CELSR3: variants seen among roughly 807,000 people sequenced by gnomAD.
CELSR3 encodes the protein EGF-like protein 1.
A neutral mutation model predicts 270.0 loss-of-function variants in CELSR3; 73 were observed. The observed-to-expected ratio is 0.27, with a 90% CI of 0.22 to 0.33. CELSR3 has a LOEUF of 0.33. CELSR3 is among the 10% of genes least tolerant of loss of function. The pLI is 1.00. For missense variants in CELSR3, 3,614 were observed against 4,533.8 expected, an observed-to-expected ratio of 0.80 and a Z score of 5.83; for synonymous variants, 1,780 against 1,905.4, an observed-to-expected ratio of 0.93 and a Z score of 1.71.
chr3:48,638,476 G>A (rs1037308504), intron 34 of CELSR3, among the ~76,000 whole-genome samples: 5 of 152,134 alleles, frequency 3.3e-5, no homozygotes, highest in Non-Finnish European at 5.9e-5. Flanking sequence ...AGCACCTACT[G>A]TTTACAGATG....
At position 48,660,166 on chromosome 3, in the gene CELSR3, C is replaced by G. The variant is rs1272119125; in HGVS notation, c.2469G>C (p.Gln823His). The G allele has an allele frequency of 6.2e-7, 1 of 1,614,148 alleles. No individual in the cohort carries two copies. Among genetic ancestry groups the G allele is most frequent in the Non-Finnish European group, 8.5e-7 (1 of 1,180,028 alleles). The change falls in exon 1 of 35, where the codon CAG (glutamine) becomes CAC (histidine). Residue 823 changes from glutamine (Q) to histidine (H), a missense_variant. Physicochemically the swap from Gln to His is conservative, Grantham distance 24. Coordinates refer to ENST00000164024, the MANE Select transcript of CELSR3 (RefSeq NM_001407.3). The surrounding 1 kb of genome is among the most constrained non-coding windows in gnomAD (Gnocchi z 5.5). ...VTLALPLDYK[Q>H]ERYFKLVLTA... ...TTAGTACCAGCTTGAAGTAGCGTTC[C>G]TGCTTGTAGTCCAGTGGCAGAGCCA...
At position 48,661,673 on chromosome 3, in the gene CELSR3, C is replaced by A. The variant is rs890325115; in HGVS notation, c.962G>T (p.Arg321Leu). The A allele has an allele frequency of 3.2e-6, 5 of 1,582,580 alleles. No individual in the cohort carries two copies. The highest frequency in any genetic ancestry group is 1.8e-5 in the Admixed American group (1 of 54,804). The change falls in exon 1 of 35, where the codon CGC becomes CTC. Residue 321 changes from arginine (R) to leucine (L), a missense_variant. By Grantham distance (102) the Arg-to-Leu change is moderately radical. This residue lies in a region of CELSR3 where 470 missense variants were observed against 469.7 expected (regional missense o/e 1.00). Transcript: ENST00000164024. ...NRARFRRAAN[R>L]HPQFPQYNYQ... ...GTTGTACTGCGGAAACTGCGGGTGG[C>A]GGTTTGCGGCGCGACGAAAGCGTGC...
rs1263440003 is a variant in CELSR3, at chr3:48,648,674, G to A, written c.6777+45C>T. 5 of 1,584,426 alleles carry A rather than the reference G, an allele frequency of 3.2e-6. No individual in the cohort carries two copies. In the South Asian group the frequency reaches 4.5e-5, roughly 14 times the overall value. On this transcript the variant is annotated intron_variant, in intron 18 of 34. Transcript: ENST00000164024. ...CTGGGGATCCAGGGGCAGGAGGCTGGGAGCTGGGGGGCCAAGGCACTGAGA... is the reference window on the plus strand; with the variant it reads ...CTGGGGATCCAGGGGCAGGAGGCTGAGAGCTGGGGGGCCAAGGCACTGAGA...
chr3:48,638,114 G>T lies in CELSR3; in HGVS notation c.*91C>A. On this transcript the variant is annotated 3_prime_UTR_variant, in exon 35 of 35. Coordinates refer to ENST00000164024, the MANE Select transcript of CELSR3 (RefSeq NM_001407.3). Reference sequence around the variant, plus strand: ...ACCCACCACTGGGGAGCAGGAGGCTGCCTTGGGATCTGCCCCCACTCCTGG... The same window carrying T: ...ACCCACCACTGGGGAGCAGGAGGCTTCCTTGGGATCTGCCCCCACTCCTGG... The T allele has an allele frequency of 8.6e-7, 1 of 1,162,594 alleles. No individual in the cohort carries two copies. The highest frequency in any genetic ancestry group is 1.3e-6 in the Non-Finnish European group (1 of 772,918). The allele number at this position is 1,162,594 out of a possible 1,614,324, so 72.0% of individuals were successfully genotyped here. A position where few individuals can be genotyped will look rare whatever the true frequency, so the allele number is the denominator to read the frequency against.
Position 48,654,878 on chromosome 3 carries a change from G to C in CELSR3, c.4988+166C>G, listed in dbSNP as rs1352687662. On this transcript the variant is annotated intron_variant, in intron 6 of 34. Transcript: ENST00000164024. The surrounding 1 kb of genome is among the most constrained non-coding windows in gnomAD (Gnocchi z 5.4). ...GTATGGGGTGGAATACAGGATTGGG[G>C]GCTAGGGTGAGTAGGCTTTCAGGGT... Among the ~76,000 whole-genome samples the C allele has an allele frequency of 1.3e-5, 2 of 151,726 alleles. No individual in the cohort carries two copies. Among genetic ancestry groups the C allele is most frequent in the African/African-American group, 2.4e-5 (1 of 41,212 alleles).
Position 48,640,404 on chromosome 3 carries a change from G to A in CELSR3, c.9181C>T (p.Gln3061Ter). 1 of 1,612,634 alleles carries A rather than the reference G, an allele frequency of 6.2e-7. No homozygotes were observed. The highest frequency in any genetic ancestry group is 8.5e-7 in the Non-Finnish European group (1 of 1,179,918). ...YAGGGTGSLSQPASRYSSREQ... is the reference protein window; with the variant it reads ...YAGGGTGSLS ...CTAGAAGAGTAGCGGCTGGCTGGCT[G>A]TGAAAGGCTGCCCGTGCCCCCGCCA... Residue 3061 changes from glutamine (Q) to a stop codon, truncating the protein, a stop_gained, in exon 34 of 35, where the codon CAG (glutamine) becomes TAG (stop). Transcript: ENST00000164024. LOFTEE classifies it high-confidence loss of function. The surrounding 1 kb of genome is among the most constrained non-coding windows in gnomAD (Gnocchi z 7.5).
At position 48,643,060 on chromosome 3, in the gene CELSR3, G is replaced by A. The variant is rs766536637; in HGVS notation, c.8313C>T (p.Phe2771=). The stretch of plus-strand genomic sequence containing the variant: ...CCCGAGCATCTGCATTTAGGACACA[G>A]AAGAGCAGCAGCACCGCCAGGCCCT... ...GLQGLAVLLL[F]CVLNADARAA... The change falls in exon 29 of 35, where the codon TTC becomes TTT. Residue 2771 remains phenylalanine (F), a synonymous_variant. Coordinates refer to ENST00000164024, the MANE Select transcript of CELSR3 (RefSeq NM_001407.3). 8 of 1,612,644 alleles carry A rather than the reference G, an allele frequency of 5.0e-6. No homozygotes were observed. Among genetic ancestry groups the A allele is most frequent in the Non-Finnish European group, 6.8e-6 (8 of 1,179,692 alleles).
chr3:48,654,258 T>C lies in CELSR3; in HGVS notation c.5152+31A>G, dbSNP rs765963421. ...CCTCCCTATGATGGGGACAGGGCCA[T>C]GGGCTAGGCTGGTGGAAGCTTCAGG... On this transcript the variant is annotated intron_variant, in intron 7 of 34. Transcript: ENST00000164024. The surrounding 1 kb of genome is among the most constrained non-coding windows in gnomAD (Gnocchi z 5.4). 3 of 1,613,146 alleles carry C rather than the reference T, an allele frequency of 1.9e-6. No homozygotes were observed. Among genetic ancestry groups the C allele is most frequent in the Admixed American group, 1.7e-5 (1 of 59,994 alleles).
At position 48,645,768 on chromosome 3, in the gene CELSR3, C is replaced by T. The variant is rs751085928; in HGVS notation, c.7564G>A (p.Val2522Ile). The T allele has an allele frequency of 1.3e-5, 21 of 1,611,642 alleles. No homozygotes were observed. The highest frequency in any genetic ancestry group is 1.8e-5 in the Non-Finnish European group (21 of 1,179,048). Residue 2522 changes from valine (V) to isoleucine (I), a missense_variant, in exon 23 of 35, where the codon GTC becomes ATC. Around this residue, in one of 7 missense-constraint regions of CELSR3, gnomAD observed 1,240 missense variants for 1,351.7 expected, o/e 0.92. Transcript: ENST00000164024. This position sits in a 1 kb window ranked among gnomAD's most constrained non-coding sequence, Gnocchi z 5.4. ...CRCSRTGTFG[V>I]LMDASPRERL... ...TCACGGGGAGAGGCATCCATGAGGA[C>T]CCCAAAGGTCCCTGTCCGGCTGCAG...
chr3:48,655,450 C>G lies in CELSR3; in HGVS notation c.4742-56G>C. On this transcript the variant is annotated intron_variant, in intron 4 of 34. Transcript: ENST00000164024. The surrounding 1 kb of genome is among the most constrained non-coding windows in gnomAD (Gnocchi z 5.8). ...GAGCAGCGGAGTCGCCCCATCCCAC[C>G]CGTCATATAAGCACAACCATTCCCA... 6.4e-7 allele frequency: 1 copy of G among 1,566,780 alleles called. No homozygotes were observed. The highest frequency in any genetic ancestry group is 2.2e-5 in the East Asian group (1 of 44,574).
In CELSR3 at chr3:48,641,299, G is replaced by A. The variant is rs1477261986; in HGVS notation, c.9025+25C>T. 4 of 1,508,132 alleles carry A rather than the reference G, an allele frequency of 2.7e-6. No homozygotes were observed. The highest frequency in any genetic ancestry group is 2.3e-5 in the East Asian group (1 of 44,338). The allele number at this position is 1,508,132 out of a possible 1,614,324, so 93.4% of individuals were successfully genotyped here. A position where few individuals can be genotyped will look rare whatever the true frequency, so the allele number is the denominator to read the frequency against. On this transcript the variant is annotated intron_variant, in intron 33 of 34. Coordinates refer to ENST00000164024, the MANE Select transcript of CELSR3 (RefSeq NM_001407.3). The surrounding 1 kb of genome is among the most constrained non-coding windows in gnomAD (Gnocchi z 4.8). ...GAGCAGCCCCCAGCGTGTCTGCGGTGTGGGCCAGGGCTCAGGGACTGTACC... is the reference window on the plus strand; with the variant it reads ...GAGCAGCCCCCAGCGTGTCTGCGGTATGGGCCAGGGCTCAGGGACTGTACC...
intron 20 of CELSR3, 42 bp downstream of exon 20, chr3:48,647,799 G>A: frequency 6.3e-7 from 1 of 1,592,436 alleles, no homozygotes; most frequent in Non-Finnish European, 8.5e-7. Flanking sequence ...TGGGGGGACA[G>A]AGAGACAGGA....
rs747841156 is a variant in CELSR3, at chr3:48,657,010, G to A, written c.4087C>T (p.Leu1363=). 1.9e-6 allele frequency: 3 copies of A among 1,613,234 alleles called. No individual in the cohort carries two copies. The highest frequency in any genetic ancestry group is 2.5e-6 in the Non-Finnish European group (3 of 1,179,676). The change falls in exon 2 of 35, where the codon CTG becomes TTG. Residue 1363 remains leucine (L), a synonymous_variant. Coordinates refer to ENST00000164024, the MANE Select transcript of CELSR3 (RefSeq NM_001407.3). This position sits in a 1 kb window ranked among gnomAD's most constrained non-coding sequence, Gnocchi z 5.4. The part of the protein sequence containing the change: ...QEQLYVRRAA[L]AARSLLDVLP... ...ACGTCGAGCAGGGAGCGAGCCGCCAGCGCCGCCCGGCGCACGTACAACTGC... is the reference window on the plus strand; with the variant it reads ...ACGTCGAGCAGGGAGCGAGCCGCCAACGCCGCCCGGCGCACGTACAACTGC...
rs2077072234 is a variant in CELSR3, at chr3:48,662,139, C to T, written c.496G>A (p.Gly166Arg). The stretch of plus-strand genomic sequence containing the variant: ...TCTGAAGGGAGGGGCGAGCTGTTCC[C>T]CGAGCCCGGGACCCCTGAGGACAGA... Reference protein sequence around the residue: ...GALSSGVPGSGNSSPLPSDFL... With the variant: ...GALSSGVPGSRNSSPLPSDFL... The change falls in exon 1 of 35, where the codon GGG (glycine) becomes AGG (arginine). Residue 166 changes from glycine to arginine, a missense_variant. Gly to Arg is a moderately radical substitution (Grantham distance 125). Coordinates refer to ENST00000164024, the MANE Select transcript of CELSR3 (RefSeq NM_001407.3). The surrounding 1 kb of genome is among the most constrained non-coding windows in gnomAD (Gnocchi z 7.1). 1 of 1,612,920 alleles carries T rather than the reference C, an allele frequency of 6.2e-7. No individual in the cohort carries two copies. The highest frequency in any genetic ancestry group is 8.5e-7 in the Non-Finnish European group (1 of 1,179,660).
At position 48,651,954 on chromosome 3, in the gene CELSR3, G is replaced by A. The variant is rs1440354287; in HGVS notation, c.5846C>T (p.Ala1949Val). 6.2e-7 allele frequency: 1 copy of A among 1,609,112 alleles called. No homozygotes were observed. Among genetic ancestry groups the A allele is most frequent in the Non-Finnish European group, 8.5e-7 (1 of 1,178,568 alleles). The change falls in exon 12 of 35, where the codon GCC becomes GTC. Residue 1949 changes from alanine (A) to valine (V), a missense_variant. Coordinates refer to ENST00000164024, the MANE Select transcript of CELSR3 (RefSeq NM_001407.3). The surrounding 1 kb of genome is among the most constrained non-coding windows in gnomAD (Gnocchi z 7.4). Reference protein sequence around the residue: ...NAEPGCVVTNACASGPCPPHA... With the variant: ...NAEPGCVVTNVCASGPCPPHA... ...AGGTGGGCAGGGCCCAGAGGCACAG[G>A]CGTTGGTCACAACACAGCCAGGCTC...
chr3:48,652,371 A>T lies in CELSR3; in HGVS notation c.5751+66T>A, dbSNP rs2047145215. 1.9e-5 allele frequency: 24 copies of T among 1,282,394 alleles called. No individual in the cohort carries two copies. The East Asian group carries it at 5.6e-4, about 30-fold the overall frequency. 79.4% of individuals were successfully genotyped at this position (1,282,394 alleles called of 1,614,324 possible). ...ACTTGAATACTGCCTTTCAGGTCCC[A>T]AGGAGCCCCTGACTTCTGACCCCTG... On this transcript the variant is annotated intron_variant, in intron 11 of 34. Coordinates refer to ENST00000164024, the MANE Select transcript of CELSR3 (RefSeq NM_001407.3). This position sits in a 1 kb window ranked among gnomAD's most constrained non-coding sequence, Gnocchi z 4.3.
rs1213247386 is a variant in CELSR3 at position 48,656,275 on chromosome 3, C to T, written c.4490G>A (p.Gly1497Asp). The T allele has an allele frequency of 6.5e-7, 1 of 1,532,846 alleles. No individual in the cohort carries two copies. The allele number at this position is 1,532,846 out of a possible 1,614,324, so 95.0% of individuals were successfully genotyped here. The change falls in exon 3 of 35, where the codon GGC (glycine) becomes GAC (aspartate). Residue 1497 changes from glycine (G) to aspartate (D), a missense_variant. By Grantham distance (94) the Gly-to-Asp change is moderately conservative. Transcript: ENST00000164024. Reference sequence around the variant, plus strand: ...GCCTGCCGGGCACTGGCAGCGAAAGCCGCCGTTGGGCGCGTCGGTGCAGGT... The same window carrying T: ...GCCTGCCGGGCACTGGCAGCGAAAGTCGCCGTTGGGCGCGTCGGTGCAGGT... ...GGTCTDAPNG[G>D]FRCQCPAGGA...
At position 48,651,545 on chromosome 3, in the gene CELSR3, G is replaced by T. The variant is rs1306518928; in HGVS notation, c.6065+32C>A. 1.3e-6 allele frequency: 2 copies of T among 1,597,160 alleles called. No homozygotes were observed. Among genetic ancestry groups the T allele is most frequent in the Non-Finnish European group, 1.7e-6 (2 of 1,169,222 alleles). On this transcript the variant is annotated intron_variant, in intron 13 of 34. Transcript: ENST00000164024. The surrounding 1 kb of genome is among the most constrained non-coding windows in gnomAD (Gnocchi z 7.4). Reference sequence around the variant, plus strand: ...CAGTGACCCTCCCTGTCCCTGCCAGGTCTCCCCATCGCCTCAGCCCCAGCC... The same window carrying T: ...CAGTGACCCTCCCTGTCCCTGCCAGTTCTCCCCATCGCCTCAGCCCCAGCC...
Position 48,651,086 on chromosome 3 carries a change from A to G in CELSR3, c.6187-11T>C. The G allele has an allele frequency of 6.4e-7, 1 of 1,552,088 alleles. No individual in the cohort carries two copies. Among genetic ancestry groups the G allele is most frequent in the Non-Finnish European group, 8.7e-7 (1 of 1,149,442 alleles). ...TCGGTAGTGGAACTCCTGTTTGAGG[A>G]TGGGCCAGGGGCCTGAAGTCAGAGG... On this transcript the variant is annotated splice_polypyrimidine_tract_variant and intron_variant, in intron 14 of 34. Transcript: ENST00000164024. The surrounding 1 kb of genome is among the most constrained non-coding windows in gnomAD (Gnocchi z 7.4).
Sources: allele counts gnomAD v4.1 joint callset (sites outside exome capture counted in the v4.1 genomes callset), GRCh38; gene constraint gnomAD v4.1.1; regional missense constraint gnomAD v4.1.1; non-coding constraint Gnocchi (gnomAD v3.1); transcripts MANE v1.5; gene names NCBI Gene and HGNC (gene_info 2026-07-23, HGNC 2026-07-21).